The following CHIA variants were observed in gnomAD, a reference collection of about 807,000 sequenced individuals.
CHIA encodes the protein acidic mammalian chitinase.
CHIA carries 47 observed loss-of-function variants against 53.5 expected under a neutral mutation model. That is an observed-to-expected ratio of 0.88 (90% CI 0.70 to 1.12). CHIA has a LOEUF of 1.12. Among genes scored for constraint, CHIA ranks in the 50% most tolerant of loss-of-function variants. CHIA has a pLI of 0.00. For missense variants in CHIA, 652 were observed against 592.2 expected, an observed-to-expected ratio of 1.10 and a Z score of -1.05; for synonymous variants, 268 against 222.2, an observed-to-expected ratio of 1.21 and a Z score of -1.83.
intron 9 of CHIA, among the ~76,000 whole-genome samples, 193 bp downstream of exon 9, chr1:111,318,871 C>A (rs959313299): frequency 2.0e-5 from 3 of 152,220 alleles, no homozygotes; most frequent in Admixed American, 6.5e-5. Context: ...TATCCCTTCA[C>A]ACAACAGACT....
Position 111,307,728 on chromosome 1 carries a change from G to A in CHIA, c.-68-2672G>A, listed in dbSNP as rs140928078. 1.9e-3 allele frequency among the ~76,000 whole-genome samples: 293 copies of A among 150,574 alleles called. 2 individuals are homozygous for A. Among genetic ancestry groups the A allele is most frequent in the African/African-American group, 6.9e-3 (282 of 40,884 alleles). On this transcript the variant is annotated intron_variant, in intron 1 of 11. Coordinates refer to ENST00000369740, the MANE Select transcript of CHIA (RefSeq NM_201653.4). ...ACTATCTCAGCTCACTGCAACCTCC[G>A]CCTCCCGGGTTCCAGCAATTCTCCT...
At chr1:111,314,936 G>C in intron 5 of CHIA, 1 of 382,540 alleles carries the variant, frequency 2.6e-6, no homozygotes, top group Non-Finnish European at 4.7e-6. Flanking sequence ...GGGGAGGAAT[G>C]AGAAAATCAC....
At chr1:111,305,620 T>C (rs1223694655) in intron 1 of CHIA, among the ~76,000 whole-genome samples, 4 of 152,226 alleles carry the variant, frequency 2.6e-5, no homozygotes, top group African/African-American at 4.8e-5. Context: ...AGCTTTCTTC[T>C]GAAGTTGCAA....
At chr1:111,299,434 A>G (rs889516168) in intron 1 of CHIA, among the ~76,000 whole-genome samples, 1 of 152,250 alleles carries the variant, frequency 6.6e-6, no homozygotes, top group African/African-American at 2.4e-5. Flanking sequence ...CTGGTTAAAC[A>G]TATGCAAATC....
Position 111,318,016 on chromosome 1 carries a change from C to T in CHIA, c.636C>T (p.Tyr212=), listed in dbSNP as rs148384495. ...QYLDYIHVMT[Y]DLHGSWEGYT... ...TGGACTACATCCATGTCATGACCTA[C>T]GACCTCCATGGCTCCTGGGAGGGCT... The change falls in exon 8 of 12, where the codon TAC becomes TAT. Residue 212 remains tyrosine, a synonymous_variant. Coordinates refer to ENST00000369740, the MANE Select transcript of CHIA (RefSeq NM_201653.4). 191 of 1,614,136 alleles carry T rather than the reference C, an allele frequency of 1.2e-4. No individual in the cohort carries two copies. Among genetic ancestry groups the T allele is most frequent in the Middle Eastern group, 4.9e-4 (3 of 6,062 alleles).
intron 1 of CHIA, among the ~76,000 whole-genome samples, chr1:111,307,934 G>T (rs1035031641): frequency 3.9e-5 from 6 of 152,172 alleles, no homozygotes; most frequent in East Asian, 3.9e-4. Context: ...GAGCCACCAG[G>T]CTTGGCCATA....
Position 111,320,321 on chromosome 1 carries a change from T to G in CHIA, c.1286T>G (p.Phe429Cys), listed in dbSNP as rs2101658163. 1 of 1,614,196 alleles carries G rather than the reference T, an allele frequency of 6.2e-7. No homozygotes were observed. Among genetic ancestry groups the G allele is most frequent in the Non-Finnish European group, 8.5e-7 (1 of 1,180,026 alleles). Reference sequence around the variant, plus strand: ...GGAGGCAGCTCGGGAGGCAGTGGATTCTGTGCTGTCAGAGCCAACGGCCTC... The same window carrying G: ...GGAGGCAGCTCGGGAGGCAGTGGATGCTGTGCTGTCAGAGCCAACGGCCTC... ...SSGGSSGGSG[F>C]CAVRANGLYP... The change falls in exon 12 of 12, where the codon TTC becomes TGC. Residue 429 changes from phenylalanine to cysteine, a missense_variant. Physicochemically the swap from Phe to Cys is radical, Grantham distance 205. Coordinates refer to ENST00000369740, the MANE Select transcript of CHIA (RefSeq NM_201653.4).
chr1:111,318,564 T>G lies in CHIA; in HGVS notation c.801T>G (p.Tyr267Ter). The change falls in exon 9 of 12, where the codon TAT (tyrosine) becomes TAG (stop). Residue 267 changes from tyrosine to a stop codon, truncating the protein, a stop_gained. Coordinates refer to ENST00000369740, the MANE Select transcript of CHIA (RefSeq NM_201653.4). LOFTEE classifies it high-confidence loss of function. Reference protein sequence around the residue: ...AEKLIVGFPTYGHNFILSNPS... With the variant: ...AEKLIVGFPT ...AGCTCATCGTTGGATTCCCTACCTA[T>G]GGACACAACTTCATCCTGAGCAACC... is the stretch of plus-strand genomic sequence containing the variant. 1 of 1,614,200 alleles carries G rather than the reference T, an allele frequency of 6.2e-7. No homozygotes were observed. The highest frequency in any genetic ancestry group is 1.1e-5 in the South Asian group (1 of 91,084).
At chr1:111,291,971 T>G (rs1351364765) in intron 1 of CHIA, among the ~76,000 whole-genome samples, 1 of 152,132 alleles carries the variant, frequency 6.6e-6, no homozygotes. Flanking sequence ...GTCCTGCACA[T>G]GTATCACGGA....
intron 2 of CHIA, 43 bp downstream of exon 2, chr1:111,310,535 TC>T: frequency 6.2e-7 from 1 of 1,613,834 alleles, no homozygotes; most frequent in Non-Finnish European, 8.5e-7. Context: ...TTATCTAGTT[TC>T]TTTTTCTCTC....
chr1:111,315,927 C>T (rs1337556590), intron 6 of CHIA: 4 of 96,318 alleles, frequency 4.2e-5, no homozygotes, highest in African/African-American at 1.4e-4. Flanking sequence ...AGACACTATC[C>T]TTGGCTTTGA....
intron 6 of CHIA, 182 bp downstream of exon 6, chr1:111,315,617 A>T: frequency 1.6e-6 from 1 of 633,194 alleles, no homozygotes; most frequent in South Asian, 1.9e-5. Context: ...ACAAAGCAAC[A>T]TGTGAGCTCT....
Position 111,318,799 on chromosome 1 carries a change from T to G in CHIA, c.915+121T>G, listed in dbSNP as rs17027402. ...ACCTAAATGCTTTAAACACAGCTGC[T>G]TAAAGTGTTTAAATAGCATTCATTT... On this transcript the variant is annotated intron_variant, in intron 9 of 11. Transcript: ENST00000369740. 3,130 of 1,083,450 alleles carry G rather than the reference T, an allele frequency of 2.9e-3. 61 individuals carry two copies. The African/African-American group carries it at 0.045, about 16-fold the overall frequency. The allele number at this position is 1,083,450 out of a possible 1,614,324, so 67.1% of individuals were successfully genotyped here.
In CHIA at chr1:111,297,177, G is replaced by T. The variant is rs149981139; in HGVS notation, c.-69+6227G>T. On this transcript the variant is annotated intron_variant, in intron 1 of 11. Transcript: ENST00000369740. Reference sequence around the variant, plus strand: ...CAGGATATTATCCAGGAGAACTTCCGCAACCTAGCAAGGTAGGCCAACATT... The same window carrying T: ...CAGGATATTATCCAGGAGAACTTCCTCAACCTAGCAAGGTAGGCCAACATT... 3.3e-5 allele frequency among the ~76,000 whole-genome samples: 5 copies of T among 152,200 alleles called. No individual in the cohort carries two copies. The East Asian group carries it at 5.8e-4, about 18-fold the overall frequency.
chr1:111,316,961 G>C (rs968626148), intron 6 of CHIA: 1 of 152,174 alleles, frequency 6.6e-6, no homozygotes. Flanking sequence ...TCCTGCTGAA[G>C]CAACAGAGAA....
intron 1 of CHIA, among the ~76,000 whole-genome samples, chr1:111,309,857 A>G (rs1648518943): frequency 6.6e-6 from 1 of 152,168 alleles, no homozygotes; most frequent in African/African-American, 2.4e-5. Flanking sequence ...GTTCTTGGTG[A>G]CCTTTATAGG....
At chr1:111,297,935 G>A (rs912549388) in intron 1 of CHIA, among the ~76,000 whole-genome samples, 15 of 143,064 alleles carry the variant, frequency 1.0e-4, no homozygotes, top group African/African-American at 3.9e-4. Context: ...ACAAGCAGGG[G>A]TTGTAATCCT....
chr1:111,295,363 A>C (rs1344865458), intron 1 of CHIA, among the ~76,000 whole-genome samples: 1 of 152,158 alleles, frequency 6.6e-6, no homozygotes, highest in East Asian at 1.9e-4. Context: ...TTTGGTTACT[A>C]ATTAAATCTC....
chr1:111,293,744 ATT>A (rs1470044761), intron 1 of CHIA, among the ~76,000 whole-genome samples: 1 of 152,158 alleles, frequency 6.6e-6, no homozygotes, highest in Non-Finnish European at 1.5e-5. Context: ...CCATTGATCT[ATT>A]TTGAGTTAAT....
Sources: gnomAD v4.1 joint callset for allele counts (sites outside exome capture counted in the v4.1 genomes callset) on GRCh38, gnomAD v4.1.1 for gene constraint, MANE v1.5 for transcripts, NCBI Gene and HGNC (gene_info 2026-07-23, HGNC 2026-07-21) for gene names.